The following FOXP2 variants were observed in gnomAD, a reference collection of about 807,000 sequenced individuals.
The protein encoded by FOXP2 is forkhead box protein P2.
FOXP2 carries 12 observed loss-of-function variants against 115.8 expected under a neutral mutation model. The ratio of observed to expected loss-of-function variants is 0.10; its 90% confidence interval spans 0.07 to 0.17. FOXP2 has a LOEUF of 0.17. Ranked by LOEUF, FOXP2 falls within the 10% of genes least tolerant of loss-of-function variation. FOXP2 has a pLI of 1.00. For synonymous variants in FOXP2, 328 were observed against 297.7 expected (o/e 1.10, Z -1.05); for missense variants, 629 against 843.5 (o/e 0.75, Z 3.15).
chr7:114,225,376 G>A (rs1794721270), intron 1 of FOXP2, among the ~76,000 whole-genome samples: 1 of 150,458 alleles, frequency 6.6e-6, no homozygotes, highest in Non-Finnish European at 1.5e-5. Context: ...TCTTACTTTG[G>A]CTCTCAACTT....
intron 1 of FOXP2, among the ~76,000 whole-genome samples, chr7:114,238,394 A>T (rs970736459): frequency 1.3e-5 from 2 of 152,216 alleles, no homozygotes; most frequent in Non-Finnish European, 2.9e-5. Flanking sequence ...CATCATAGAT[A>T]CAGCTTGGTT....
intron 1 of FOXP2, among the ~76,000 whole-genome samples, chr7:114,186,956 C>G (rs1264137512): frequency 6.6e-6 from 1 of 152,150 alleles, no homozygotes; most frequent in Non-Finnish European, 1.5e-5. Flanking sequence ...TGCTGAGGTC[C>G]TGCAGGCTCC....
intron 2 of FOXP2, among the ~76,000 whole-genome samples, chr7:114,457,796 G>A (rs934761367): frequency 1.3e-5 from 2 of 151,852 alleles, no homozygotes; most frequent in African/African-American, 4.8e-5. Flanking sequence ...TATTGGGGAG[G>A]CTGAGGCAGG....
intron 3 of FOXP2, among the ~76,000 whole-genome samples, chr7:114,586,095 A>G (rs2129304604): frequency 6.6e-6 from 1 of 152,232 alleles, no homozygotes; most frequent in South Asian, 2.1e-4. Flanking sequence ...AAATAATTCC[A>G]GTAATATAAG....
At chr7:114,373,799 T>G (rs1026056665) in intron 2 of FOXP2, among the ~76,000 whole-genome samples, 1 of 152,242 alleles carries the variant, frequency 6.6e-6, no homozygotes, top group African/African-American at 2.4e-5. Flanking sequence ...AGTATCTGTG[T>G]AAGATAAGCA....
At chr7:114,123,364 AAAAGAAAG>A in intron 1 of FOXP2, among the ~76,000 whole-genome samples, 1 of 151,216 alleles carries the variant, frequency 6.6e-6, no homozygotes, top group African/African-American at 2.4e-5. Context: ...AAAAAAAAAA[AAAAGAAAG>A]AAAGAAAGAA....
In FOXP2 at chr7:114,337,440, A is replaced by C. The variant is rs115110607; in HGVS notation, c.-11+49331A>C. On this transcript the variant is annotated intron_variant, in intron 2 of 17. Transcript: ENST00000634411. ...TCAACTATTTTTACATATTCTAATA[A>C]GACTTAAAATTTTGGATTTTTATGC... is the stretch of plus-strand genomic sequence containing the variant. Among the ~76,000 whole-genome samples, 973 of 151,352 alleles carry C rather than the reference A, an allele frequency of 6.4e-3. 8 individuals carry two copies. Among genetic ancestry groups the C allele is most frequent in the African/African-American group, 0.023 (941 of 41,508 alleles).
At chr7:114,200,362 G>A (rs1167298803) in intron 1 of FOXP2, among the ~76,000 whole-genome samples, 1 of 152,104 alleles carries the variant, frequency 6.6e-6, no homozygotes, top group Non-Finnish European at 1.5e-5. Context: ...GACTTCTTAA[G>A]CAATTTATCC....
intron 2 of FOXP2, among the ~76,000 whole-genome samples, chr7:114,340,166 AAGAAACCATGTGAT>A (rs761104416): frequency 1.3e-5 from 2 of 151,156 alleles, no homozygotes; most frequent in Non-Finnish European, 3.0e-5. Context: ...AGAGCTTAAT[AAGAAACCATGTGAT>A]AGTGATTTCT....
rs1749641524 is a variant in FOXP2, at chr7:114,321,315, C to G, written c.-11+33206C>G. 2.0e-5 allele frequency among the ~76,000 whole-genome samples: 3 copies of G among 151,898 alleles called. No homozygotes were observed. The South Asian group carries it at 6.2e-4, about 32-fold the overall frequency. On this transcript the variant is annotated intron_variant, in intron 2 of 17. Coordinates refer to the FOXP2 transcript ENST00000634411. ...CTGGGTTCACGCCATTCTCCTGCCT[C>G]AGCCTCTCGAGTAGCTGGGACTACA...
intron 3 of FOXP2, among the ~76,000 whole-genome samples, chr7:114,550,305 A>G (rs980589284): frequency 6.6e-6 from 1 of 151,574 alleles, no homozygotes; most frequent in African/African-American, 2.4e-5. Context: ...TTTAGTAGAG[A>G]CGGGGTTTCA....
At chr7:114,347,776 A>C (rs972041253) in intron 2 of FOXP2, among the ~76,000 whole-genome samples, 6 of 152,018 alleles carry the variant, frequency 3.9e-5, no homozygotes, top group Non-Finnish European at 7.4e-5. Context: ...AGGGTAAGTA[A>C]TTTGTTAGAG....
At chr7:114,444,580 G>A (rs1035541657) in intron 2 of FOXP2, among the ~76,000 whole-genome samples, 1 of 152,082 alleles carries the variant, frequency 6.6e-6, no homozygotes, top group African/African-American at 2.4e-5. Flanking sequence ...TTTTCCAAAA[G>A]AATTACTGTT....
intron 1 of FOXP2, among the ~76,000 whole-genome samples, chr7:114,089,819 CACAA>C (rs1486498939): frequency 6.6e-6 from 1 of 151,882 alleles, no homozygotes; most frequent in Non-Finnish European, 1.5e-5. Flanking sequence ...ATTTCAAACA[CACAA>C]AACAAGTCTC....
At chr7:114,540,110 C>T (rs888508912) in intron 3 of FOXP2, among the ~76,000 whole-genome samples, 13 of 151,912 alleles carry the variant, frequency 8.6e-5, no homozygotes, top group Admixed American at 8.5e-4. Context: ...GATATATATT[C>T]TATATCATAG....
chr7:114,162,662 A>G (rs1016910271), upstream of FOXP2, among the ~76,000 whole-genome samples: 2 of 152,108 alleles, frequency 1.3e-5, no homozygotes, highest in African/African-American at 4.8e-5. Context: ...TAAAAAATAC[A>G]TTTGAGTAGG....
chr7:114,253,796 A>T (rs552528145), intron 1 of FOXP2, among the ~76,000 whole-genome samples: 2 of 152,312 alleles, frequency 1.3e-5, no homozygotes, highest in Non-Finnish European at 2.9e-5. Context: ...ATTTACATTT[A>T]AGATTAATAT....
At chr7:114,124,074 C>G (rs1050518814) in intron 1 of FOXP2, among the ~76,000 whole-genome samples, 1 of 151,994 alleles carries the variant, frequency 6.6e-6, no homozygotes, top group Admixed American at 6.6e-5. Flanking sequence ...TTTATCCTCT[C>G]TCTCTCTCTG....
intron 2 of FOXP2, among the ~76,000 whole-genome samples, chr7:114,403,480 T>G (rs1435296170): frequency 6.6e-6 from 1 of 152,192 alleles, no homozygotes; most frequent in Non-Finnish European, 1.5e-5. Context: ...TTCTTTATAC[T>G]TCTCATTGCC....
Sources: allele counts gnomAD v4.1 joint callset (sites outside exome capture counted in the v4.1 genomes callset), GRCh38; gene constraint gnomAD v4.1.1; transcripts MANE v1.5; gene names NCBI Gene and HGNC (gene_info 2026-07-23, HGNC 2026-07-21).